The following TRPC7 variants were observed in gnomAD, a reference collection of about 807,000 sequenced individuals.
The protein encoded by TRPC7 is transient receptor potential cation channel subfamily C member 7.
TRPC7 carries 42 observed loss-of-function variants against 90.1 expected under a neutral mutation model. The observed-to-expected ratio is 0.47, with a 90% CI of 0.36 to 0.60. The LOEUF (loss-of-function observed/expected upper bound fraction) is 0.60. TRPC7 is among the 20% of genes least tolerant of loss of function. The pLI, the probability that TRPC7 is intolerant of heterozygous loss-of-function variation, is 0.00. For missense variants in TRPC7, 955 were observed against 1,112.3 expected (o/e 0.86, Z 2.01); for synonymous variants, 451 against 436.3 (o/e 1.03, Z -0.42).
chr5:136,273,422 G>T (rs1757266201), intron 4 of TRPC7, among the ~76,000 whole-genome samples: 1 of 152,156 alleles, frequency 6.6e-6, no homozygotes, highest in Admixed American at 6.5e-5. Flanking sequence ...ATCCTCAATA[G>T]ATGTAAGGTT....
chr5:136,224,748 C>A (rs1755573787), intron 10 of TRPC7, among the ~76,000 whole-genome samples: 5 of 152,164 alleles, frequency 3.3e-5, no homozygotes, highest in African/African-American at 1.2e-4. Flanking sequence ...ACCCTCTCCC[C>A]CATCCTGACA....
intron 3 of TRPC7, among the ~76,000 whole-genome samples, chr5:136,296,138 G>A (rs77697493): frequency 0.011 from 1,600 of 152,090 alleles, 9 homozygotes; most frequent in Admixed American, 0.014. Flanking sequence ...GTGGTGTGGT[G>A]GACAGCTGGG....
At chr5:136,283,581 G>A (rs1757615052) in intron 3 of TRPC7, among the ~76,000 whole-genome samples, 12 of 152,138 alleles carry the variant, frequency 7.9e-5, no homozygotes, top group Admixed American at 7.9e-4. Flanking sequence ...ACTAAGGCAG[G>A]ATAAAGAGAG....
At chr5:136,350,187 C>T (rs2149857449) in intron 2 of TRPC7, among the ~76,000 whole-genome samples, 1 of 152,310 alleles carries the variant, frequency 6.6e-6, no homozygotes, top group East Asian at 1.9e-4. Flanking sequence ...CTGTATCCTA[C>T]CCTCCATTTT....
chr5:136,360,141 T>A (rs1173793200), intron 1 of TRPC7, among the ~76,000 whole-genome samples: 3 of 152,160 alleles, frequency 2.0e-5, no homozygotes, highest in Non-Finnish European at 4.4e-5. Flanking sequence ...ATTTAATGAC[T>A]ACTGAACCAA....
chr5:136,286,797 G>T (rs184670605), intron 3 of TRPC7, among the ~76,000 whole-genome samples: 1 of 152,180 alleles, frequency 6.6e-6, no homozygotes, highest in South Asian at 2.1e-4. Flanking sequence ...TGTGGGGCAA[G>T]AACTCCTTCC....
intron 3 of TRPC7, among the ~76,000 whole-genome samples, chr5:136,278,746 C>T (rs989115578): frequency 6.6e-6 from 1 of 152,144 alleles, no homozygotes; most frequent in Admixed American, 6.6e-5. Flanking sequence ...ATTTCATATG[C>T]CCTGCCTAGG....
intron 8 of TRPC7, 30 bp from the exon 9 acceptor site, chr5:136,226,285 C>T (rs1328227951): frequency 6.6e-7 from 1 of 1,509,280 alleles, no homozygotes; most frequent in Non-Finnish European, 9.0e-7. Context: ...ACAACACACC[C>T]TCAAAGGCCA....
intron 3 of TRPC7, among the ~76,000 whole-genome samples, chr5:136,285,866 C>A (rs1412672617): frequency 6.6e-6 from 1 of 152,148 alleles, no homozygotes; most frequent in African/African-American, 2.4e-5. Flanking sequence ...TGAAATGCAC[C>A]AAGGCCTTCC....
intron 3 of TRPC7, among the ~76,000 whole-genome samples, chr5:136,307,439 T>C (rs1758675611): frequency 1.3e-5 from 2 of 152,232 alleles, no homozygotes; most frequent in South Asian, 4.1e-4. Context: ...GTTTGTTTTA[T>C]GCAAAGCACC....
chr5:136,313,367 G>A (rs1758898509), intron 3 of TRPC7, among the ~76,000 whole-genome samples: 1 of 142,172 alleles, frequency 7.0e-6, no homozygotes, highest in African/African-American at 2.6e-5. Flanking sequence ...TGAAGCCTCA[G>A]GAGATGTCTG....
intron 3 of TRPC7, among the ~76,000 whole-genome samples, chr5:136,283,827 G>A (rs1236708925): frequency 2.0e-5 from 3 of 152,168 alleles, no homozygotes; most frequent in African/African-American, 7.2e-5. Context: ...CAGAGTTCTA[G>A]TTCTTTTTCA....
At chr5:136,355,058 G>A (rs1460079582) in intron 2 of TRPC7, among the ~76,000 whole-genome samples, 1 of 152,224 alleles carries the variant, frequency 6.6e-6, no homozygotes, top group African/African-American at 2.4e-5. Context: ...ATGACATCTA[G>A]TTTGGACCAT....
At chr5:136,251,002 C>T (rs1392201540) in intron 6 of TRPC7, among the ~76,000 whole-genome samples, 1 of 152,024 alleles carries the variant, frequency 6.6e-6, no homozygotes, top group African/African-American at 2.4e-5. Context: ...AAGAAGGACC[C>T]TTTTTTGCCG....
intron 2 of TRPC7, among the ~76,000 whole-genome samples, chr5:136,337,748 A>G: frequency 6.6e-6 from 1 of 152,190 alleles, no homozygotes; most frequent in South Asian, 2.1e-4. Flanking sequence ...TGAATTATTT[A>G]GAGTATGAAC....
At chr5:136,301,167 C>A (rs1167314175) in intron 3 of TRPC7, among the ~76,000 whole-genome samples, 1 of 152,006 alleles carries the variant, frequency 6.6e-6, no homozygotes, top group African/African-American at 2.4e-5. Flanking sequence ...GCTGGGACTA[C>A]AGGCACACAC....
chr5:136,303,503 C>T (rs1216351244), intron 3 of TRPC7, among the ~76,000 whole-genome samples: 1 of 152,176 alleles, frequency 6.6e-6, no homozygotes, highest in Non-Finnish European at 1.5e-5. Context: ...CCAGCCACAA[C>T]TTCAGCACAC....
At chr5:136,348,511 A>G (rs539016845) in intron 2 of TRPC7, among the ~76,000 whole-genome samples, 9 of 152,288 alleles carry the variant, frequency 5.9e-5, no homozygotes, top group Admixed American at 4.6e-4. Context: ...TTCTAGCACA[A>G]TTGTAATGCT....
At chr5:136,310,923 T>A (rs1758806316) in intron 3 of TRPC7, among the ~76,000 whole-genome samples, 1 of 152,150 alleles carries the variant, frequency 6.6e-6, no homozygotes, top group Non-Finnish European at 1.5e-5. Context: ...CAGATGGAAC[T>A]AATCACCCTT....
Sources: allele counts gnomAD v4.1 joint callset (sites outside exome capture counted in the v4.1 genomes callset), GRCh38; gene constraint gnomAD v4.1.1; transcripts MANE v1.5; gene names NCBI Gene and HGNC (gene_info 2026-07-23, HGNC 2026-07-21).